The following FOXO3 variants were observed in gnomAD, a reference collection of about 807,000 sequenced individuals.
FOXO3 encodes forkhead box O3.
In FOXO3, 4 loss-of-function variants were observed where a neutral mutation model predicts 41.9. The ratio of observed to expected loss-of-function variants is 0.10; its 90% CI spans 0.05 to 0.22. FOXO3 has a LOEUF of 0.22. Among genes scored for constraint, FOXO3 ranks in the 10% least tolerant of loss-of-function variants. The pLI is 1.00. For missense variants in FOXO3, 534 were observed against 906.8 expected (o/e 0.59, Z 5.28); for synonymous variants, 318 against 389.3 (o/e 0.82, Z 2.16).
intron 1 of FOXO3, among the ~76,000 whole-genome samples, chr6:108,633,461 C>A (rs1778031631): frequency 6.6e-6 from 1 of 152,070 alleles, no homozygotes; most frequent in Non-Finnish European, 1.5e-5. Context: ...CTTAAAAAAA[C>A]TACTGAGTAA....
At chr6:108,576,680 T>C (rs1776270124) in intron 1 of FOXO3, among the ~76,000 whole-genome samples, 2 of 152,242 alleles carry the variant, frequency 1.3e-5, no homozygotes, top group African/African-American at 4.8e-5. Flanking sequence ...GTTTAGCTTA[T>C]AATGCAGTGG....
At chr6:108,644,665 C>T (rs574345891) in intron 1 of FOXO3, among the ~76,000 whole-genome samples, 4 of 152,268 alleles carry the variant, frequency 2.6e-5, no homozygotes, top group Admixed American at 6.5e-5. Flanking sequence ...TTCTCTTCTC[C>T]ATTTCCTCTC....
Position 108,561,696 on chromosome 6 carries a change from C to G in FOXO3, c.488C>G (p.Ala163Gly). ...RRNAWGNLSY[A>G]DLITRAIESS... Reference sequence around the variant, plus strand: ...AACGCCTGGGGAAACCTGTCCTACGCGGACCTGATCACCCGCGCCATCGAG... The same window carrying G: ...AACGCCTGGGGAAACCTGTCCTACGGGGACCTGATCACCCGCGCCATCGAG... Residue 163 changes from alanine (A) to glycine (G), a missense_variant, in exon 1 of 3, where the codon GCG (alanine) becomes GGG (glycine). This residue lies in a region of FOXO3 where 77 missense variants were observed against 193.2 expected (regional missense o/e 0.40). Transcript: ENST00000406360. The G allele has an allele frequency of 6.2e-7, 1 of 1,611,730 alleles. No individual in the cohort carries two copies. Among genetic ancestry groups the G allele is most frequent in the Non-Finnish European group, 8.5e-7 (1 of 1,179,346 alleles).
At chr6:108,610,529 C>T (rs1331597514) in intron 1 of FOXO3, among the ~76,000 whole-genome samples, 2 of 152,022 alleles carry the variant, frequency 1.3e-5, no homozygotes, top group Admixed American at 1.3e-4. Flanking sequence ...TTGTGTGTGC[C>T]CCTGTGTTTT....
At chr6:108,667,289 T>C (rs1386180667) in intron 2 of FOXO3, among the ~76,000 whole-genome samples, 7 of 152,208 alleles carry the variant, frequency 4.6e-5, no homozygotes, top group African/African-American at 7.2e-5. Flanking sequence ...AATGTAGATA[T>C]TTGGCCTTTA....
intron 1 of FOXO3, among the ~76,000 whole-genome samples, chr6:108,605,586 T>C (rs753310871): frequency 2.6e-4 from 40 of 152,232 alleles, no homozygotes; most frequent in Non-Finnish European, 5.7e-4. Flanking sequence ...AATTAAAAGC[T>C]TGCCTCAAAT....
At chr6:108,592,679 T>C (rs923494789) in intron 1 of FOXO3, among the ~76,000 whole-genome samples, 2 of 152,226 alleles carry the variant, frequency 1.3e-5, no homozygotes, top group Non-Finnish European at 2.9e-5. Context: ...CTCAGATCAT[T>C]GTACCATGCT....
At chr6:108,656,458 CT>C (rs1317785056) in intron 1 of FOXO3, 1 of 985,244 alleles carries the variant, frequency 1.0e-6, no homozygotes, top group African/African-American at 1.7e-5. Flanking sequence ...CTCTGAAATA[CT>C]TTTTTAAAGT....
chr6:108,639,322 A>G (rs1778194966), intron 1 of FOXO3, among the ~76,000 whole-genome samples: 1 of 152,144 alleles, frequency 6.6e-6, no homozygotes, highest in South Asian at 2.1e-4. Context: ...TAGCTGCCAC[A>G]CTGTCCAAGC....
intron 1 of FOXO3, among the ~76,000 whole-genome samples, chr6:108,569,987 G>GTTTTTTTTTTTTTTTTTTTTTTTT (rs71015551): frequency 1.4e-5 from 1 of 73,246 alleles, no homozygotes; most frequent in Non-Finnish European, 2.4e-5. Context: ...CCCTTGCGTG[G>GTTTTTTTTTTTTTTTTTTTTTTTT]TTTTTTTTTT....
At chr6:108,596,987 CT>C (rs1233627127) in intron 1 of FOXO3, among the ~76,000 whole-genome samples, 4 of 152,050 alleles carry the variant, frequency 2.6e-5, no homozygotes, top group African/African-American at 9.7e-5. Context: ...TTATCTAACT[CT>C]TTAGAGTCTG....
intron 1 of FOXO3, among the ~76,000 whole-genome samples, chr6:108,614,704 A>T (rs963069243): frequency 2.0e-5 from 3 of 148,656 alleles, no homozygotes; most frequent in African/African-American, 5.0e-5. Context: ...TTTTTTGTTG[A>T]TGTTTTGGTT....
rs2128381279 is a variant in FOXO3, at chr6:108,647,362, G to A, written c.622-16093G>A. Among the ~76,000 whole-genome samples the A allele has an allele frequency of 2.0e-5, 3 of 152,332 alleles. No individual in the cohort carries two copies. The Middle Eastern group carries it at 0.01, about 518-fold the overall frequency. On this transcript the variant is annotated intron_variant, in intron 1 of 2. Transcript: ENST00000406360. ...CTGCATAATGTTTATTGTAGCTGGA[G>A]TGCTGTGCTGGTGTCCTGCTGCCTA... is the stretch of plus-strand genomic sequence containing the variant.
intron 1 of FOXO3, among the ~76,000 whole-genome samples, chr6:108,617,179 T>TTG (rs1172982413): frequency 1.5e-4 from 23 of 152,214 alleles, no homozygotes; most frequent in African/African-American, 5.3e-4. Flanking sequence ...TAACTCTCTT[T>TTG]AACCTTTTGA....
chr6:108,666,942 G>C (rs557276923), intron 2 of FOXO3, among the ~76,000 whole-genome samples: 1 of 152,292 alleles, frequency 6.6e-6, no homozygotes, highest in East Asian at 1.9e-4. Context: ...TCTTTAAGTG[G>C]TGTAAAAAGC....
chr6:108,639,515 AC>A, intron 1 of FOXO3: 1 of 984,606 alleles, frequency 1.0e-6, no homozygotes, highest in African/African-American at 1.7e-5. Context: ...GGGATGAAAA[AC>A]CCTGCTCAAG....
Position 108,576,358 on chromosome 6 carries a change from A to G in FOXO3, c.621+14529A>G, listed in dbSNP as rs141452648. ...TCAAGTTCAGCATTTGACTGTGGAC[A>G]TAATTTTTAGTAGGTGTTCCTTGGG... On this transcript the variant is annotated intron_variant, in intron 1 of 2. Coordinates refer to ENST00000406360, the MANE Select transcript of FOXO3 (RefSeq NM_001455.4). Among the ~76,000 whole-genome samples the G allele has an allele frequency of 1.4e-3, 207 of 152,340 alleles. 2 individuals carry two copies. Among genetic ancestry groups the G allele is most frequent in the African/African-American group, 4.6e-3 (192 of 41,582 alleles).
At chr6:108,580,847 A>G (rs2128360025) in intron 1 of FOXO3, among the ~76,000 whole-genome samples, 1 of 152,350 alleles carries the variant, frequency 6.6e-6, no homozygotes, top group African/African-American at 2.4e-5. Flanking sequence ...ATTGAACACA[A>G]AAGGCTTTTC....
In FOXO3 at chr6:108,679,484, T is replaced by G. The variant is rs548904586; in HGVS notation, c.*35-343T>G. On this transcript the variant is annotated intron_variant, in intron 2 of 2. Coordinates refer to ENST00000406360, the MANE Select transcript of FOXO3 (RefSeq NM_001455.4). ...CTCAGTCCGGAAGTCTAGAACAGAATCTTATCTGCACCTTGAACATCTAAC... is the reference window on the plus strand; with the variant it reads ...CTCAGTCCGGAAGTCTAGAACAGAAGCTTATCTGCACCTTGAACATCTAAC... Among the ~76,000 whole-genome samples the G allele has an allele frequency of 2.0e-5, 3 of 152,220 alleles. No individual in the cohort carries two copies. The South Asian group carries it at 6.2e-4, about 32-fold the overall frequency.
Sources: gnomAD v4.1 joint callset for allele counts (sites outside exome capture counted in the v4.1 genomes callset) on GRCh38, gnomAD v4.1.1 for gene constraint, gnomAD v4.1.1 regional missense constraint, MANE v1.5 for transcripts, NCBI Gene and HGNC (gene_info 2026-07-23, HGNC 2026-07-21) for gene names.